MROH6: variants seen among roughly 807,000 people sequenced by gnomAD.
MROH6 encodes maestro heat like repeat family member 6.
MROH6 carries 62 observed loss-of-function variants against 67.7 expected under a neutral mutation model. The ratio of observed to expected loss-of-function variants is 0.92; its 90% CI spans 0.75 to 1.13. The LOEUF is 1.13. Among genes scored for constraint, MROH6 ranks in the 50% most tolerant of loss-of-function variants. MROH6 has a pLI of 0.00. For synonymous variants in MROH6, 566 were observed against 470.8 expected, an observed-to-expected ratio of 1.20 and a Z score of -2.62; for missense variants, 1,175 against 1,029.1, an observed-to-expected ratio of 1.14 and a Z score of -1.94.
In MROH6 at chr8:143,569,305, T is replaced by G. The variant is rs1354300641; in HGVS notation, c.1476+136A>C. 81 of 419,806 alleles carry G rather than the reference T, an allele frequency of 1.9e-4. No homozygotes were observed. In the African/African-American group the frequency reaches 2.8e-3, roughly 15 times the overall value. The allele number at this position is 419,806 out of a possible 1,614,324, so 26.0% of individuals were successfully genotyped here. A position where few individuals can be genotyped will look rare whatever the true frequency, so the allele number is the denominator to read the frequency against. On this transcript the variant is annotated intron_variant, in intron 9 of 13. Coordinates refer to ENST00000398882, the MANE Select transcript of MROH6 (RefSeq NM_001100878.2). ...GGGGCGGGGCCTGGGAGGGAGAGAC[T>G]GGAAGGGCGGGGCGGGGCCTGAGAG...
In MROH6 at chr8:143,572,068, C is replaced by T. The variant is rs763907870; in HGVS notation, c.412G>A (p.Ala138Thr). 3.7e-6 allele frequency: 6 copies of T among 1,612,450 alleles called. No individual in the cohort carries two copies. Reference protein sequence around the residue: ...TQATVLTLSSALEARGERLED... With the variant: ...TQATVLTLSSTLEARGERLED... The stretch of plus-strand genomic sequence containing the variant: ...AACCGCTCGCCCCGGGCCTCCAGGG[C>T]TGAGGACAGGGTGAGCACTGTCGCC... The change falls in exon 2 of 14, where the codon GCC (alanine) becomes ACC (threonine). Residue 138 changes from alanine (A) to threonine (T), a missense_variant. Physicochemically the swap from Ala to Thr is moderately conservative, Grantham distance 58. Coordinates refer to ENST00000398882, the MANE Select transcript of MROH6 (RefSeq NM_001100878.2).
In MROH6 at chr8:143,569,897, T is replaced by G. The variant is rs1383375773; in HGVS notation, c.1158+54A>C. On this transcript the variant is annotated intron_variant, in intron 7 of 13. Coordinates refer to ENST00000398882, the MANE Select transcript of MROH6 (RefSeq NM_001100878.2). The stretch of plus-strand genomic sequence containing the variant: ...CGGTCCCCGTGCAGGCCGCTGCGAT[T>G]CAGGGATCAAGTCCAGGGTCACCCT... 3 of 1,610,598 alleles carry G rather than the reference T, an allele frequency of 1.9e-6. No homozygotes were observed. In the East Asian group the frequency reaches 6.7e-5, roughly 36 times the overall value.
At chr8:143,567,524 T>G in intron 13 of MROH6, 59 bp from the exon 14 acceptor site, 1 of 1,453,106 alleles carries the variant, frequency 6.9e-7, no homozygotes, top group Non-Finnish European at 9.2e-7. Context: ...CCCGGGCCCC[T>G]GGCCCTCCAC....
chr8:143,568,754 C>CTG, intron 9 of MROH6, 35 bp from the exon 10 acceptor site: 1 of 1,411,604 alleles, frequency 7.1e-7, no homozygotes, highest in Non-Finnish European at 9.3e-7. Context: ...CAGGCGGAGA[C>CTG]AGAGAGGGGC....
chr8:143,567,834 G>A lies in MROH6; in HGVS notation c.1819C>T (p.Leu607=). The change falls in exon 12 of 14, where the codon CTG becomes TTG. Residue 607 remains leucine (L), a synonymous_variant. Transcript: ENST00000398882. ...CGCAGGGGGTCCTGTGGACTCCGCA[G>A]GTAGCCCTGGGTCTGGCTCAGGAAG... ...PNFLSQTQGY[L]RSPQDPLRRA... 1 of 1,531,630 alleles carries A rather than the reference G, an allele frequency of 6.5e-7. No homozygotes were observed. The highest frequency in any genetic ancestry group is 8.8e-7 in the Non-Finnish European group (1 of 1,140,576). The allele number at this position is 1,531,630 out of a possible 1,614,324, so 94.9% of individuals were successfully genotyped here.
In MROH6 at chr8:143,567,623, A is replaced by G; in HGVS notation, c.1921T>C (p.Ser641Pro). 1 of 1,565,308 alleles carries G rather than the reference A, an allele frequency of 6.4e-7. No individual in the cohort carries two copies. Among genetic ancestry groups the G allele is most frequent in the Non-Finnish European group, 8.7e-7 (1 of 1,155,784 alleles). Residue 641 changes from serine (S) to proline (P), a missense_variant, in exon 13 of 14, where the codon TCC becomes CCC. Transcript: ENST00000398882. The part of the protein sequence containing the change: ...PGCVNQDLLD[S>P]LFQDLGRLQS... ...GGTGGGGCCTCACCCTGGAACAGGG[A>G]GTCCAGCAGGTCCTGGTTGACACAG...
intron 8 of MROH6, 37 bp from the exon 9 acceptor site, chr8:143,569,651 C>A (rs776988829): frequency 6.3e-7 from 1 of 1,597,140 alleles, no homozygotes; most frequent in Non-Finnish European, 8.6e-7. Context: ...GCAGACCTCG[C>A]CGCGACCGGG....
Position 143,567,304 on chromosome 8 carries a change from C to T in MROH6, c.2095G>A (p.Asp699Asn), listed in dbSNP as rs537602741. Residue 699 changes from aspartate (D) to asparagine (N), a missense_variant, in exon 14 of 14, where the codon GAC (aspartate) becomes AAC (asparagine). Coordinates refer to ENST00000398882, the MANE Select transcript of MROH6 (RefSeq NM_001100878.2). Reference protein sequence around the residue: ...RPARPPPVFADSPFQRRSVAG... With the variant: ...RPARPPPVFANSPFQRRSVAG... ...ACGCTCCGGCGCTGGAAGGGGCTGTCGGCGAAGACTGGTGGGGGCCGGGCG... is the reference window on the plus strand; with the variant it reads ...ACGCTCCGGCGCTGGAAGGGGCTGTTGGCGAAGACTGGTGGGGGCCGGGCG... 13 of 1,221,014 alleles carry T rather than the reference C, an allele frequency of 1.1e-5. No homozygotes were observed. The Admixed American group carries it at 1.7e-4, about 16-fold the overall frequency. The allele number at this position is 1,221,014 out of a possible 1,614,324, so 75.6% of individuals were successfully genotyped here.
chr8:143,569,846 C>T lies in MROH6; in HGVS notation c.1159-6G>A. On this transcript the variant is annotated splice_polypyrimidine_tract_variant and splice_region_variant and intron_variant, in intron 7 of 13. Coordinates refer to ENST00000398882, the MANE Select transcript of MROH6 (RefSeq NM_001100878.2). The stretch of plus-strand genomic sequence containing the variant: ...GTGGGCCGGCTCTGCAACAGCTAGG[C>T]GAGGCACATGGGGTCAGCACGCCCG... 1.2e-6 allele frequency: 2 copies of T among 1,610,494 alleles called. No individual in the cohort carries two copies. Among genetic ancestry groups the T allele is most frequent in the Non-Finnish European group, 1.7e-6 (2 of 1,178,810 alleles).
In MROH6 at chr8:143,572,124, C is replaced by G. The variant is rs1300668751; in HGVS notation, c.356G>C (p.Cys119Ser). The change falls in exon 2 of 14, where the codon TGC becomes TCC. Residue 119 changes from cysteine to serine, a missense_variant. Physicochemically the swap from Cys to Ser is moderately radical, Grantham distance 112. Coordinates refer to ENST00000398882, the MANE Select transcript of MROH6 (RefSeq NM_001100878.2). The part of the protein sequence containing the change: ...LADLALYTAA[C>S]LEEAGFAGTQ... ...CCCTGCAAAGCCAGCCTCCTCCAGG[C>G]AGGCAGCCGTGTACAACGCGAGGTC... is the stretch of plus-strand genomic sequence containing the variant. The G allele has an allele frequency of 6.2e-6, 10 of 1,613,036 alleles. No individual in the cohort carries two copies. The East Asian group carries it at 2.2e-4, about 36-fold the overall frequency.
At chr8:143,568,400 G>C in intron 10 of MROH6, 139 bp from the exon 11 acceptor site, 2 of 1,427,372 alleles carry the variant, frequency 1.4e-6, no homozygotes, top group East Asian at 2.5e-5. Context: ...CTGCTCAAGG[G>C]AAGAGCAGTA....
At position 143,569,581 on chromosome 8, in the gene MROH6, G is replaced by T; in HGVS notation, c.1336C>A (p.Leu446Met). ...GCGTCGCCTTCGCCCAGTGCGCCCA[G>T]GAGCGCCGGCAGCAGCGTGCTCACG... ...RHVSTLLPAL[L>M]GALGEGDARL... Residue 446 changes from leucine (L) to methionine (M), a missense_variant, in exon 9 of 14, where the codon CTG (leucine) becomes ATG (methionine). Physicochemically the swap from Leu to Met is conservative, Grantham distance 15. Transcript: ENST00000398882. The T allele has an allele frequency of 6.4e-7, 1 of 1,566,088 alleles. No homozygotes were observed. The highest frequency in any genetic ancestry group is 8.6e-7 in the Non-Finnish European group (1 of 1,160,572).
chr8:143,567,198 G>A lies in MROH6; in HGVS notation c.*41C>T, dbSNP rs1006701639. The A allele has an allele frequency of 1.1e-5, 12 of 1,137,326 alleles. No homozygotes were observed. The highest frequency in any genetic ancestry group is 9.6e-5 in the African/African-American group (6 of 62,206). 70.5% of individuals were successfully genotyped at this position (1,137,326 alleles called of 1,614,324 possible). A position where few individuals can be genotyped will look rare whatever the true frequency, so the allele number is the denominator to read the frequency against. On this transcript the variant is annotated 3_prime_UTR_variant, in exon 14 of 14. Coordinates refer to ENST00000398882, the MANE Select transcript of MROH6 (RefSeq NM_001100878.2). The stretch of plus-strand genomic sequence containing the variant: ...GGACAGGCTGCTATGCGCGTGGGGT[G>A]CCCGAGTCGGACCCTGGCCCTCGGG...
intron 4 of MROH6, 48 bp downstream of exon 4, chr8:143,570,829 A>ACCCC (rs752326299): frequency 8.4e-5 from 48 of 572,434 alleles, no homozygotes; most frequent in Middle Eastern, 5.3e-4. Flanking sequence ...GCTCCTCGCC[A>ACCCC]CCCCCCACCC....
In MROH6 at chr8:143,566,574, A is replaced by G. The variant is rs896947; in HGVS notation, c.*665T>C. On this transcript the variant is annotated 3_prime_UTR_variant, in exon 14 of 14. Coordinates refer to ENST00000398882, the MANE Select transcript of MROH6 (RefSeq NM_001100878.2). The stretch of plus-strand genomic sequence containing the variant: ...GCTCGGTCTGATTGGGCGTGCACAC[A>G]GGACCCCTACATCTGGACCCCCAGG... 144,469 of 152,292 alleles carry G rather than the reference A, an allele frequency of 0.95. 68,972 individuals carry two copies. The highest frequency in any genetic ancestry group is 1 in the East Asian group (5,176 of 5,176). 9.4% of individuals were successfully genotyped at this position (152,292 alleles called of 1,614,324 possible). A position where few individuals can be genotyped will look rare whatever the true frequency, so the allele number is the denominator to read the frequency against.
chr8:143,568,375 G>A, intron 10 of MROH6, 114 bp from the exon 11 acceptor site: 2 of 1,463,392 alleles, frequency 1.4e-6, no homozygotes, highest in Non-Finnish European at 1.8e-6. Context: ...CCCAGGGCAG[G>A]AGACTGGATT....
Position 143,570,313 on chromosome 8 carries a change from C to T in MROH6, c.973G>A (p.Glu325Lys). ...AGCCTCCTCCAGCCTCCTGCCTGCT[C>T]CATGCACGTGACCACCATGCGGCCT... ...DGGRMVVTCM[E>K]QAGGWRRLVG... is the part of the protein sequence containing the mutation. Residue 325 changes from glutamate (E) to lysine (K), a missense_variant, in exon 6 of 14, where the codon GAG becomes AAG. Coordinates refer to ENST00000398882, the MANE Select transcript of MROH6 (RefSeq NM_001100878.2). 6.2e-7 allele frequency: 1 copy of T among 1,609,606 alleles called. No individual in the cohort carries two copies. The highest frequency in any genetic ancestry group is 1.1e-5 in the South Asian group (1 of 90,982).
rs4873804 is a variant in MROH6 at position 143,572,523 on chromosome 8, G to A, written c.192C>T (p.Pro64=). ...CCCCACGTCCAGGCTCTGCCTCAGA[G>A]GGGGCGGTGAGTGCCTGGGTCTGTG... ...AEPQTQALTA[P]SEAEPGRGAT... is the part of the protein sequence containing the mutation. Residue 64 remains proline (P), a synonymous_variant, in exon 1 of 14, where the codon CCC becomes CCT. Coordinates refer to ENST00000398882, the MANE Select transcript of MROH6 (RefSeq NM_001100878.2). The A allele has an allele frequency of 8.1e-5, 130 of 1,604,284 alleles. No homozygotes were observed. The highest frequency in any genetic ancestry group is 1.1e-4 in the Non-Finnish European group (126 of 1,176,326).
Position 143,567,436 on chromosome 8 carries a change from G to C in MROH6, c.1963C>G (p.Pro655Ala). ...DLGRLQSDPK[P>A]AVAAAAHVSA... is the part of the protein sequence containing the mutation. ...ACGTGCGCTGCCGCGGCCACAGCCG[G>C]CTTGGGGTCGCTCTGCAGTCGCCCT... The change falls in exon 14 of 14, where the codon CCG (proline) becomes GCG (alanine). Residue 655 changes from proline to alanine, a missense_variant. Transcript: ENST00000398882. 3.0e-6 allele frequency: 4 copies of C among 1,353,444 alleles called. 1 individual carries two copies. The South Asian group carries it at 7.2e-5, about 24-fold the overall frequency. The allele number at this position is 1,353,444 out of a possible 1,614,324, so 83.8% of individuals were successfully genotyped here. A position where few individuals can be genotyped will look rare whatever the true frequency, so the allele number is the denominator to read the frequency against.
Sources: allele counts gnomAD v4.1 joint callset, GRCh38; gene constraint gnomAD v4.1.1; transcripts MANE v1.5; gene names NCBI Gene and HGNC (gene_info 2026-07-23, HGNC 2026-07-21).